ARMH1: variants seen among roughly 807,000 people sequenced by gnomAD.
ARMH1 encodes armadillo-like helical domain containing protein 1.
ARMH1 carries 34 observed loss-of-function variants against 50.2 expected under a neutral mutation model. The ratio of observed to expected loss-of-function variants is 0.68; its 90% CI spans 0.51 to 0.90. ARMH1 has a LOEUF of 0.90. Ranked by LOEUF, ARMH1 falls within the 40% of genes least tolerant of loss-of-function variation. ARMH1 has a pLI of 0.00. For missense variants in ARMH1, 538 were observed against 553.9 expected, an observed-to-expected ratio of 0.97 and a Z score of 0.29; for synonymous variants, 221 against 224.2, an observed-to-expected ratio of 0.99 and a Z score of 0.13.
In ARMH1 at chr1:44,724,358, T is replaced by A. The variant is rs1295582811; in HGVS notation, c.886T>A (p.Phe296Ile). 1 of 1,551,396 alleles carries A rather than the reference T, an allele frequency of 6.4e-7. No homozygotes were observed. Residue 296 changes from phenylalanine to isoleucine, a missense_variant, in exon 8 of 12, where the codon TTT (phenylalanine) becomes ATT (isoleucine). By Grantham distance (21) the Phe-to-Ile change is conservative. Coordinates refer to ENST00000535358, the MANE Select transcript of ARMH1 (RefSeq NM_001145636.2). The surrounding 1 kb of genome is among the most constrained non-coding windows in gnomAD (Gnocchi z 6.4). ...CCAGCTCACCCCCAGCCTGCCGATG[T>A]TTTTGCAGCAGGCCGCGGCCGCCAA... The part of the protein sequence containing the change: ...VLQLTPSLPM[F>I]LQQAAAAKAI...
At chr1:44,691,822 G>T (rs1645669443) in intron 2 of ARMH1, among the ~76,000 whole-genome samples, 1 of 152,176 alleles carries the variant, frequency 6.6e-6, no homozygotes, top group Non-Finnish European at 1.5e-5. Flanking sequence ...GGGGAATATG[G>T]TGCCATTATG....
At chr1:44,686,271 TCAAAC>T (rs1403470451) in intron 1 of ARMH1, among the ~76,000 whole-genome samples, 2 of 152,146 alleles carry the variant, frequency 1.3e-5, no homozygotes, top group Admixed American at 6.5e-5. Flanking sequence ...CCTTGGTACT[TCAAAC>T]CAAACAATAG....
At chr1:44,675,141 G>A (rs1213069342) in intron 1 of ARMH1, among the ~76,000 whole-genome samples, 14 of 152,132 alleles carry the variant, frequency 9.2e-5, no homozygotes, top group Admixed American at 9.2e-4. Context: ...GCTAAATAAG[G>A]TTCCTTAGGC....
chr1:44,709,094 T>C (rs1557548355), intron 6 of ARMH1, among the ~76,000 whole-genome samples: 1 of 152,162 alleles, frequency 6.6e-6, no homozygotes, highest in African/African-American at 2.4e-5. Flanking sequence ...TATTCATTTC[T>C]TTACCATTTC....
chr1:44,718,021 C>A (rs1388595931), intron 6 of ARMH1, among the ~76,000 whole-genome samples: 2 of 152,164 alleles, frequency 1.3e-5, no homozygotes, highest in African/African-American at 2.4e-5. Flanking sequence ...CCAAGTGTTA[C>A]AAATACATAA....
intron 5 of ARMH1, among the ~76,000 whole-genome samples, chr1:44,703,796 G>A (rs1241667375): frequency 6.8e-6 from 1 of 147,042 alleles, no homozygotes; most frequent in Non-Finnish European, 1.5e-5. Flanking sequence ...GCGCGATCTC[G>A]GCTCACTGCA....
At chr1:44,715,449 C>G (rs922179716) in intron 6 of ARMH1, among the ~76,000 whole-genome samples, 2 of 152,234 alleles carry the variant, frequency 1.3e-5, no homozygotes, top group African/African-American at 2.4e-5. Context: ...GAGGTTTCCT[C>G]TAATGCTGAT....
At chr1:44,692,683 A>C (rs1645696911) in intron 2 of ARMH1, among the ~76,000 whole-genome samples, 1 of 152,162 alleles carries the variant, frequency 6.6e-6, no homozygotes, top group Non-Finnish European at 1.5e-5. Context: ...ACACAGGCCA[A>C]AGGGAATAAC....
intron 6 of ARMH1, among the ~76,000 whole-genome samples, chr1:44,720,909 C>T (rs1334103254): frequency 6.6e-6 from 1 of 152,004 alleles, no homozygotes; most frequent in Non-Finnish European, 1.5e-5. Context: ...TGGTGGTGCG[C>T]ACCTGTAATC....
At chr1:44,720,089 T>C (rs1375077779) in intron 6 of ARMH1, among the ~76,000 whole-genome samples, 2 of 148,690 alleles carry the variant, frequency 1.3e-5, no homozygotes, top group African/African-American at 5.0e-5. Flanking sequence ...CCTAGCTACT[T>C]GGGAGGCTGA....
At position 44,709,196 on chromosome 1, in the gene ARMH1, C is replaced by T. The variant is rs1402019984; in HGVS notation, c.724+5023C>T. On this transcript the variant is annotated intron_variant, in intron 6 of 11. Coordinates refer to ENST00000535358, the MANE Select transcript of ARMH1 (RefSeq NM_001145636.2). Reference sequence around the variant, plus strand: ...TCTGTGATAGAAGTTTTCCTCCCACCGTCTGGTTTTGCCTTAGTCTCCTTT... The same window carrying T: ...TCTGTGATAGAAGTTTTCCTCCCACTGTCTGGTTTTGCCTTAGTCTCCTTT... 7.9e-5 allele frequency among the ~76,000 whole-genome samples: 12 copies of T among 152,232 alleles called. 1 individual carries two copies. Among genetic ancestry groups the T allele is most frequent in the South Asian group, 6.2e-4 (3 of 4,824 alleles).
At chr1:44,686,217 GA>G (rs1645467241) in intron 1 of ARMH1, among the ~76,000 whole-genome samples, 1 of 152,100 alleles carries the variant, frequency 6.6e-6, no homozygotes, top group Non-Finnish European at 1.5e-5. Flanking sequence ...TGAACATTTG[GA>G]AAAATAATCA....
intron 2 of ARMH1, among the ~76,000 whole-genome samples, chr1:44,691,108 C>G (rs1463669894): frequency 2.0e-5 from 3 of 151,870 alleles, no homozygotes. Context: ...AAATACAAAA[C>G]TTAGCTGGGC....
chr1:44,688,277 C>G (rs893529076), intron 1 of ARMH1: 1 of 152,282 alleles, frequency 6.6e-6, no homozygotes, highest in African/African-American at 2.4e-5. Flanking sequence ...CGTGGACGCC[C>G]TTCTGGAAGC....
At chr1:44,688,595 C>G (rs1645552126) in intron 1 of ARMH1, among the ~76,000 whole-genome samples, 1 of 152,204 alleles carries the variant, frequency 6.6e-6, no homozygotes, top group Admixed American at 6.5e-5. Flanking sequence ...ATCATGGCCC[C>G]TGCAAGTAAT....
At chr1:44,714,630 G>C (rs927580434) in intron 6 of ARMH1, among the ~76,000 whole-genome samples, 2 of 151,824 alleles carry the variant, frequency 1.3e-5, no homozygotes, top group Non-Finnish European at 2.9e-5. Context: ...ATCAGAGACA[G>C]AATTAATTAC....
rs957619130 is a variant in ARMH1 at position 44,682,330 on chromosome 1, G to A, written c.-22-7346G>A. On this transcript the variant is annotated intron_variant, in intron 1 of 11. Coordinates refer to ENST00000535358, the MANE Select transcript of ARMH1 (RefSeq NM_001145636.2). This position sits in a 1 kb window ranked among gnomAD's most constrained non-coding sequence, Gnocchi z 4.5. The stretch of plus-strand genomic sequence containing the variant: ...TGTCAAAGTCATTGATCGGCACTGC[G>A]GCAAGGTAGAGAGGGAAAGACAGAT... Among the ~76,000 whole-genome samples the A allele has an allele frequency of 6.6e-6, 1 of 152,096 alleles. No individual in the cohort carries two copies. The highest frequency in any genetic ancestry group is 1.5e-5 in the Non-Finnish European group (1 of 68,020).
intron 2 of ARMH1, among the ~76,000 whole-genome samples, chr1:44,693,304 A>T (rs1183497545): frequency 1.3e-5 from 2 of 152,158 alleles, no homozygotes; most frequent in Non-Finnish European, 2.9e-5. Context: ...CCAAATCTAG[A>T]GTTCCTTTTT....
In ARMH1 at chr1:44,724,722, GT is replaced by G. The variant is rs1557576065; in HGVS notation, c.1051-39del. 1.9e-5 allele frequency: 28 copies of G among 1,496,554 alleles called. No individual in the cohort carries two copies. The South Asian group carries it at 3.3e-4, about 18-fold the overall frequency. The allele number at this position is 1,496,554 out of a possible 1,614,324, so 92.7% of individuals were successfully genotyped here. A position where few individuals can be genotyped will look rare whatever the true frequency, so the allele number is the denominator to read the frequency against. ...GAAGGGCGGCGGCACCCGCAGCCCCGTCGCCCCCGCAGTCACGCCGCCTCGC... is the reference window on the plus strand; with the variant it reads ...GAAGGGCGGCGGCACCCGCAGCCCCGCGCCCCCGCAGTCACGCCGCCTCGC... On this transcript the variant is annotated intron_variant, in intron 9 of 11. Coordinates refer to ENST00000535358, the MANE Select transcript of ARMH1 (RefSeq NM_001145636.2). The surrounding 1 kb of genome is among the most constrained non-coding windows in gnomAD (Gnocchi z 6.4).
Sources: allele counts gnomAD v4.1 joint callset (sites outside exome capture counted in the v4.1 genomes callset), GRCh38; gene constraint gnomAD v4.1.1; non-coding constraint Gnocchi (gnomAD v3.1); transcripts MANE v1.5; gene names NCBI Gene and HGNC (gene_info 2026-07-23, HGNC 2026-07-21).